Variants in FCER1G observed in about 807,000 individuals in gnomAD.
FCER1G encodes the protein high affinity immunoglobulin epsilon receptor subunit gamma.
FCER1G carries 7 observed loss-of-function variants against 17.3 expected under a neutral mutation model. The observed-to-expected ratio is 0.40, with a 90% CI of 0.23 to 0.76. FCER1G has a LOEUF of 0.76. Among genes scored for constraint, FCER1G ranks in the 30% least tolerant of loss-of-function variants. The pLI is 0.35. For synonymous variants in FCER1G, 35 were observed against 38.7 expected, an observed-to-expected ratio of 0.90 and a Z score of 0.35; for missense variants, 87 against 97.7, an observed-to-expected ratio of 0.89 and a Z score of 0.46.
intron 1 of FCER1G, among the ~76,000 whole-genome samples, chr1:161,216,918 A>G (rs2102064314): frequency 6.6e-6 from 1 of 152,324 alleles, no homozygotes; most frequent in Non-Finnish European, 1.5e-5. Context: ...AGGCCCGCTG[A>G]GGCACAAAGG....
At chr1:161,216,361 T>C (rs941518908) in intron 1 of FCER1G, among the ~76,000 whole-genome samples, 18 of 137,592 alleles carry the variant, frequency 1.3e-4, no homozygotes, top group East Asian at 1.0e-3. Context: ...TCTATCTATA[T>C]ACACACACAC....
Position 161,216,421 on chromosome 1 carries a change from T to TAGAG in FCER1G, c.49+1052_49+1053insGAGA, listed in dbSNP as rs1218274622. Among the ~76,000 whole-genome samples, 665 of 142,034 alleles carry TAGAG rather than the reference T, an allele frequency of 4.7e-3. 27 individuals are homozygous for TAGAG. The East Asian group carries it at 0.076, about 16-fold the overall frequency. 93.2% of individuals were successfully genotyped at this position (142,034 alleles called of 152,430 possible). ...ACACACACACACACACATATATATA[T>TAGAG]ATATATAGAGAGAGAGAGAGAGAGA... On this transcript the variant is annotated intron_variant, in intron 1 of 4. Transcript: ENST00000289902.
chr1:161,217,219 G>C (rs189727704), intron 1 of FCER1G, among the ~76,000 whole-genome samples: 224 of 152,192 alleles, frequency 1.5e-3, no homozygotes, highest in Admixed American at 3.5e-3. Context: ...CTGGAGCCCA[G>C]ACTTGATTTG....
At chr1:161,215,405 C>G (rs897341391) in intron 1 of FCER1G, 35 bp downstream of exon 1, 1 of 1,598,736 alleles carries the variant, frequency 6.3e-7, no homozygotes, top group Non-Finnish European at 8.6e-7. Context: ...CGTGAGCTGG[C>G]TCCAGGGTGG....
At chr1:161,216,947 G>A (rs962861258) in intron 1 of FCER1G, among the ~76,000 whole-genome samples, 10 of 152,274 alleles carry the variant, frequency 6.6e-5, no homozygotes, top group South Asian at 4.1e-4. Context: ...GGCTTTAGAG[G>A]CAGAAAACCT....
At chr1:161,216,409 CACATAT>C (rs1217105348) in intron 1 of FCER1G, among the ~76,000 whole-genome samples, 165 of 141,890 alleles carry the variant, frequency 1.2e-3, no homozygotes, top group African/African-American at 3.7e-3. Flanking sequence ...CACACACACA[CACATAT>C]ATATATATAT....
chr1:161,215,427 T>C (rs950364179), intron 1 of FCER1G, 57 bp downstream of exon 1: 2 of 1,528,998 alleles, frequency 1.3e-6, no homozygotes, highest in African/African-American at 1.4e-5. Flanking sequence ...AGTCCAGAGC[T>C]TGGGTCTGAG....
At chr1:161,218,781 C>T (rs373951783) in intron 4 of FCER1G, 58 bp downstream of exon 4, 111 of 1,602,398 alleles carry the variant, frequency 6.9e-5, no homozygotes, top group Middle Eastern at 1.7e-4. Flanking sequence ...GGATTTTGAG[C>T]GATCTTTGGA....
chr1:161,215,753 C>A (rs904514199), intron 1 of FCER1G, among the ~76,000 whole-genome samples: 4 of 152,034 alleles, frequency 2.6e-5, no homozygotes, highest in African/African-American at 9.7e-5. Flanking sequence ...CCACCACGCC[C>A]GGCTAAGTTA....
Position 161,219,214 on chromosome 1 carries a change from G to GT in FCER1G, c.*271_*272insT, listed in dbSNP as rs1666114083. 2.0e-6 allele frequency: 1 copy of GT among 504,052 alleles called. No individual in the cohort carries two copies. Among genetic ancestry groups the GT allele is most frequent in the Non-Finnish European group, 3.5e-6 (1 of 282,824 alleles). The allele number at this position is 504,052 out of a possible 1,614,324, so 31.2% of individuals were successfully genotyped here. A position where few individuals can be genotyped will look rare whatever the true frequency, so the allele number is the denominator to read the frequency against. On this transcript the variant is annotated 3_prime_UTR_variant, in exon 5 of 5. Coordinates refer to ENST00000289902, the MANE Select transcript of FCER1G (RefSeq NM_004106.2). ...CAACTCCAGCTAAAATATGGGAAGG[G>GT]AGAACCCCCAATAAAACTGCCATGG...
intron 1 of FCER1G, 144 bp downstream of exon 1, chr1:161,215,514 C>T (rs1034298115): frequency 1.3e-6 from 1 of 748,176 alleles, no homozygotes; most frequent in Non-Finnish European, 2.4e-6. Flanking sequence ...TAGTCCTCTC[C>T]AGCCCCGACC....
intron 2 of FCER1G, 43 bp from the exon 3 acceptor site, chr1:161,218,198 G>A (rs1264571859): frequency 1.9e-6 from 3 of 1,589,928 alleles, no homozygotes; most frequent in Admixed American, 1.7e-5. Context: ...AGGGGGATGG[G>A]CCATTAACTT....
chr1:161,217,875 C>T (rs2070902), intron 1 of FCER1G, 111 bp from the exon 2 acceptor site: 215,246 of 738,910 alleles, frequency 0.29, 33,241 homozygotes, highest in East Asian at 0.45. Flanking sequence ...TTCCCTTAGA[C>T]GGCTCCCCTC....
In FCER1G at chr1:161,217,385, CTTTT is replaced by C. The variant is rs748410818; in HGVS notation, c.50-581_50-578del. Among the ~76,000 whole-genome samples, 10 of 121,386 alleles carry C rather than the reference CTTTT, an allele frequency of 8.2e-5. No individual in the cohort carries two copies. In the East Asian group the frequency reaches 1.8e-3, roughly 22 times the overall value. The allele number at this position is 121,386 out of a possible 152,430, so 79.6% of individuals were successfully genotyped here. On this transcript the variant is annotated intron_variant, in intron 1 of 4. Coordinates refer to ENST00000289902, the MANE Select transcript of FCER1G (RefSeq NM_004106.2). ...GTAAGGTCTGGGAAAAACAGACACA[CTTTT>C]TTTTTTTTTTTTTTTTTTTACATAT...
intron 1 of FCER1G, among the ~76,000 whole-genome samples, 192 bp from the exon 2 acceptor site, chr1:161,217,794 C>T (rs1666078810): frequency 6.6e-6 from 1 of 152,190 alleles, no homozygotes; most frequent in Non-Finnish European, 1.5e-5. Flanking sequence ...GCTTCCTATC[C>T]TAGCCTGACC....
At chr1:161,218,570 A>T in intron 3 of FCER1G, 133 bp from the exon 4 acceptor site, 1 of 848,058 alleles carries the variant, frequency 1.2e-6, no homozygotes, top group South Asian at 1.4e-5. Context: ...CATGTCCCAG[A>T]GTGTCCATGT....
intron 1 of FCER1G, among the ~76,000 whole-genome samples, chr1:161,217,042 A>T (rs1666066918): frequency 6.6e-6 from 1 of 152,204 alleles, no homozygotes. Context: ...CGTCACCCAT[A>T]AAATGGCGAT....
In FCER1G at chr1:161,218,001, C is replaced by A. The variant is rs538957910; in HGVS notation, c.65C>A (p.Pro22His). The A allele has an allele frequency of 6.2e-7, 1 of 1,613,398 alleles. No homozygotes were observed. The highest frequency in any genetic ancestry group is 1.3e-5 in the African/African-American group (1 of 75,002). Residue 22 changes from proline to histidine, a missense_variant, in exon 2 of 5, where the codon CCT becomes CAT. Physicochemically the swap from Pro to His is moderately conservative, Grantham distance 77 (BLOSUM62 -2). Transcript: ENST00000289902. ...ATCCCCTCAGCGGCCCTGGGAGAGC[C>A]TCAGCTCTGCTATATCCTGGATGCC... ...LVEQAAALGE[P>H]QLCYILDAIL...
At chr1:161,216,427 T>TAGAG (rs543686283) in intron 1 of FCER1G, among the ~76,000 whole-genome samples, 8,571 of 135,646 alleles carry the variant, frequency 0.063, 297 homozygotes, top group Non-Finnish European at 0.083. Flanking sequence ...TATATATATA[T>TAGAG]AGAGAGAGAG....
Sources: allele counts gnomAD v4.1 joint callset (sites outside exome capture counted in the v4.1 genomes callset), GRCh38; gene constraint gnomAD v4.1.1; transcripts MANE v1.5; gene names NCBI Gene and HGNC (gene_info 2026-07-23, HGNC 2026-07-21).